Variants in GPC5 observed in about 807,000 individuals in gnomAD.
The protein encoded by GPC5 is glypican 5.
GPC5 carries 47 observed loss-of-function variants against 53.9 expected under a neutral mutation model. The ratio of observed to expected loss-of-function variants is 0.87; its 90% CI spans 0.69 to 1.11. The LOEUF is 1.11. Ranked by LOEUF, GPC5 falls within the 50% of genes most tolerant of loss-of-function variation. The pLI is 0.00. For synonymous variants in GPC5, 286 were observed against 263.3 expected (o/e 1.09, Z -0.84); for missense variants, 748 against 713.1 (o/e 1.05, Z -0.56).
At chr13:92,014,321 C>G (rs993809397) in intron 6 of GPC5, among the ~76,000 whole-genome samples, 6 of 152,152 alleles carry the variant, frequency 3.9e-5, no homozygotes, top group African/African-American at 1.4e-4. Flanking sequence ...GATGCTCTAA[C>G]TTGAATGGCT....
chr13:92,106,022 T>G (rs1006424633), intron 6 of GPC5, among the ~76,000 whole-genome samples: 52 of 152,206 alleles, frequency 3.4e-4, no homozygotes, highest in African/African-American at 1.2e-3. Context: ...TGAAATCTAT[T>G]TGTTATGTAC....
chr13:92,221,196 ATAAT>A (rs2042445896), intron 7 of GPC5, among the ~76,000 whole-genome samples: 1 of 152,196 alleles, frequency 6.6e-6, no homozygotes, highest in Non-Finnish European at 1.5e-5. Context: ...CAATTGGGAA[ATAAT>A]TAATTTTGTG....
At chr13:91,971,468 A>C (rs1464129609) in intron 6 of GPC5, among the ~76,000 whole-genome samples, 1 of 151,868 alleles carries the variant, frequency 6.6e-6, no homozygotes, top group African/African-American at 2.4e-5. Flanking sequence ...TGTTTCCTTC[A>C]GTTCTGCTCT....
At chr13:92,074,176 G>C (rs138245904) in intron 6 of GPC5, among the ~76,000 whole-genome samples, 233 of 152,296 alleles carry the variant, frequency 1.5e-3, no homozygotes, top group African/African-American at 5.5e-3. Context: ...AATCGCTGTA[G>C]ATGGAGGAGA....
intron 7 of GPC5, among the ~76,000 whole-genome samples, chr13:92,169,666 G>A (rs988558254): frequency 7.2e-5 from 11 of 151,914 alleles, no homozygotes; most frequent in Non-Finnish European, 1.0e-4. Flanking sequence ...AAATTAAAAC[G>A]TACAATCCAG....
chr13:92,077,412 A>C (rs1199294124), intron 6 of GPC5, among the ~76,000 whole-genome samples: 1 of 152,224 alleles, frequency 6.6e-6, no homozygotes, highest in African/African-American at 2.4e-5. Flanking sequence ...TTGTACTTAC[A>C]GAGTAGATGA....
intron 4 of GPC5, among the ~76,000 whole-genome samples, chr13:91,753,168 C>T (rs950358389): frequency 5.9e-5 from 9 of 152,188 alleles, no homozygotes; most frequent in Non-Finnish European, 1.0e-4. Flanking sequence ...TTATTCTGGA[C>T]CGTAGAGACA....
At chr13:91,698,483 A>G (rs2035929025) in intron 3 of GPC5, among the ~76,000 whole-genome samples, 1 of 152,188 alleles carries the variant, frequency 6.6e-6, no homozygotes, top group Non-Finnish European at 1.5e-5. Context: ...TATACCTTCA[A>G]TAAAAGAAAA....
At chr13:91,409,493 G>C (rs1451916961) in intron 1 of GPC5, among the ~76,000 whole-genome samples, 1 of 152,056 alleles carries the variant, frequency 6.6e-6, no homozygotes, top group Non-Finnish European at 1.5e-5. Flanking sequence ...AAAAACTTCA[G>C]GTTTTAAAAT....
chr13:92,613,352 A>T (rs1174027606), intron 7 of GPC5, among the ~76,000 whole-genome samples: 2 of 101,832 alleles, frequency 2.0e-5, no homozygotes, highest in African/African-American at 8.1e-5. Context: ...TTATATATAA[A>T]TATATAATAT....
At chr13:92,358,357 G>T (rs2043539549) in intron 7 of GPC5, among the ~76,000 whole-genome samples, 1 of 151,736 alleles carries the variant, frequency 6.6e-6, no homozygotes. Context: ...GCTTTTTACA[G>T]GCTGGCACTG....
chr13:91,541,180 GTTT>G (rs1443527603), intron 2 of GPC5, among the ~76,000 whole-genome samples: 1 of 152,026 alleles, frequency 6.6e-6, no homozygotes, highest in Non-Finnish European at 1.5e-5. Flanking sequence ...TAGAAATTGA[GTTT>G]TTAAGTGACT....
At chr13:91,589,046 A>T (rs2032701395) in intron 2 of GPC5, among the ~76,000 whole-genome samples, 1 of 152,152 alleles carries the variant, frequency 6.6e-6, no homozygotes, top group African/African-American at 2.4e-5. Flanking sequence ...TCTGACTTCT[A>T]CATCCACTTT....
At chr13:91,736,437 CTT>C (rs1257746713) in intron 4 of GPC5, among the ~76,000 whole-genome samples, 2 of 151,062 alleles carry the variant, frequency 1.3e-5, no homozygotes, top group Admixed American at 1.3e-4. Flanking sequence ...TTTCCACAAT[CTT>C]TTTTTTGCCA....
At chr13:92,480,037 A>G (rs75761111) in intron 7 of GPC5, among the ~76,000 whole-genome samples, 23,799 of 152,186 alleles carry the variant, frequency 0.16, 2,483 homozygotes, top group Non-Finnish European at 0.23. Flanking sequence ...CTGTAATCCC[A>G]GTGCTTTAGG....
intron 5 of GPC5, among the ~76,000 whole-genome samples, chr13:91,806,792 T>C (rs1410265310): frequency 6.6e-6 from 1 of 152,152 alleles, no homozygotes; most frequent in African/African-American, 2.4e-5. Context: ...ATCTAGTTTT[T>C]AAAAGGTGGC....
chr13:91,680,121 A>T (rs1168202012), intron 2 of GPC5, among the ~76,000 whole-genome samples: 1 of 152,166 alleles, frequency 6.6e-6, no homozygotes, highest in East Asian at 1.9e-4. Context: ...GAAAACTTAC[A>T]TCCATCACCA....
intron 3 of GPC5, among the ~76,000 whole-genome samples, chr13:91,722,917 CCTTATGGGTAG>C (rs912242978): frequency 1.6e-4 from 24 of 152,084 alleles, no homozygotes; most frequent in African/African-American, 5.6e-4. Context: ...TTGGAATTTT[CCTTATGGGTAG>C]CTTGTTTAAA....
At chr13:92,008,725 C>G (rs1385694082) in intron 6 of GPC5, among the ~76,000 whole-genome samples, 2 of 152,104 alleles carry the variant, frequency 1.3e-5, no homozygotes, top group Non-Finnish European at 2.9e-5. Context: ...TCGTTTTCAT[C>G]AAATGTAGAT....
Sources: gnomAD v4.1 joint callset for allele counts (sites outside exome capture counted in the v4.1 genomes callset) on GRCh38, gnomAD v4.1.1 for gene constraint, MANE v1.5 for transcripts, NCBI Gene and HGNC (gene_info 2026-07-23, HGNC 2026-07-21) for gene names.